Variants in LTBP1 observed in about 807,000 individuals in gnomAD.
The protein encoded by LTBP1 is latent transforming growth factor beta binding protein 1.
LTBP1 carries 129 observed loss-of-function variants against 207.6 expected under a neutral mutation model. That is an observed-to-expected ratio of 0.62 (90% confidence interval 0.54 to 0.72). The LOEUF (loss-of-function observed/expected upper bound fraction) is 0.72, where lower values mean the gene tolerates loss of function less well. LTBP1 is among the 30% of genes least tolerant of loss of function. The probability of loss-of-function intolerance (pLI) is 0.00; values close to 1 mark genes in which losing one functional copy is unlikely to be tolerated. For missense variants in LTBP1, 2,281 were observed against 2,217.2 expected (o/e 1.03, Z -0.58); for synonymous variants, 963 against 833.7 (o/e 1.16, Z -2.67).
At chr2:33,306,292 G>A (rs1011668718) in intron 22 of LTBP1, among the ~76,000 whole-genome samples, 16 of 152,092 alleles carry the variant, frequency 1.1e-4, no homozygotes, top group African/African-American at 3.4e-4. Context: ...GAACAGAGCC[G>A]GGCATGGTGG....
chr2:32,996,335 G>A (rs1282303445), intron 2 of LTBP1, among the ~76,000 whole-genome samples: 9 of 151,958 alleles, frequency 5.9e-5, no homozygotes, highest in Admixed American at 5.9e-4. Flanking sequence ...CTTTTATGAG[G>A]GCACTAACTC....
intron 2 of LTBP1, among the ~76,000 whole-genome samples, chr2:33,014,816 G>C (rs1275258523): frequency 6.6e-6 from 1 of 152,158 alleles, no homozygotes; most frequent in Admixed American, 6.5e-5. Context: ...CGCACAGATT[G>C]AGAATTAACT....
At chr2:33,308,464 C>T (rs940995054) in intron 22 of LTBP1, among the ~76,000 whole-genome samples, 3 of 151,958 alleles carry the variant, frequency 2.0e-5, no homozygotes, top group Non-Finnish European at 4.4e-5. Context: ...TTCAAAAGTC[C>T]CTCTTCTTCC....
chr2:33,078,894 C>G (rs2078242651), intron 3 of LTBP1, among the ~76,000 whole-genome samples: 1 of 105,176 alleles, frequency 9.5e-6, no homozygotes, highest in Admixed American at 1.5e-4. Context: ...GAGTCTCGCT[C>G]TGTTGCCAGG....
At chr2:33,208,931 G>A (rs536780414) in intron 7 of LTBP1, among the ~76,000 whole-genome samples, 181 of 147,358 alleles carry the variant, frequency 1.2e-3, no homozygotes, top group African/African-American at 4.4e-3. Context: ...GCAGTGGCGC[G>A]ATCTCGGCTG....
At chr2:33,029,170 C>T (rs58275633) in intron 3 of LTBP1, among the ~76,000 whole-genome samples, 1 of 152,252 alleles carries the variant, frequency 6.6e-6, no homozygotes, top group African/African-American at 2.4e-5. Flanking sequence ...TAGAATTTAT[C>T]CTGGGCACTT....
At chr2:33,344,545 T>A (rs1016755318) in intron 25 of LTBP1, among the ~76,000 whole-genome samples, 3 of 152,194 alleles carry the variant, frequency 2.0e-5, no homozygotes, top group African/African-American at 7.2e-5. Context: ...CCTGGATTTT[T>A]CTCACTCGTT....
Position 33,217,547 on chromosome 2 carries a change from T to TG in LTBP1, c.1702-4dup. 6.2e-7 allele frequency: 1 copy of TG among 1,608,620 alleles called. No individual in the cohort carries two copies. Among genetic ancestry groups the TG allele is most frequent in the Non-Finnish European group, 8.5e-7 (1 of 1,175,152 alleles). On this transcript the variant is annotated splice_region_variant and splice_polypyrimidine_tract_variant and intron_variant, in intron 7 of 33. Transcript: ENST00000404816. ...ACCTTCATATTTCACACCTAATCAT[T>TG]GCAGTGTGGCAAAGCGCTCCCTGGC...
At chr2:33,143,808 T>G (rs575086584) in intron 5 of LTBP1, among the ~76,000 whole-genome samples, 37 of 151,452 alleles carry the variant, frequency 2.4e-4, no homozygotes, top group Non-Finnish European at 3.4e-4. Context: ...TTTTCTTTCC[T>G]ATTATACCTC....
intron 4 of LTBP1, among the ~76,000 whole-genome samples, chr2:33,122,098 T>G (rs1181797674): frequency 6.6e-6 from 1 of 151,856 alleles, no homozygotes; most frequent in Admixed American, 6.6e-5. Context: ...TCCCCTTGAC[T>G]CTGGGCTTGG....
intron 26 of LTBP1, among the ~76,000 whole-genome samples, chr2:33,352,160 C>G (rs1238052864): frequency 6.6e-6 from 1 of 152,046 alleles, no homozygotes; most frequent in Non-Finnish European, 1.5e-5. Context: ...GAGATGGAGT[C>G]TTGCTCTGTC....
At chr2:33,232,901 C>G (rs1286940280) in intron 9 of LTBP1, among the ~76,000 whole-genome samples, 2 of 152,054 alleles carry the variant, frequency 1.3e-5, no homozygotes, top group Non-Finnish European at 2.9e-5. Context: ...TCTAGTGGTG[C>G]TTGACTACAT....
chr2:33,118,813 T>G (rs2080934064), intron 4 of LTBP1, among the ~76,000 whole-genome samples: 2 of 152,164 alleles, frequency 1.3e-5, no homozygotes, highest in South Asian at 4.1e-4. Flanking sequence ...CTGAGAGCTA[T>G]TTGATAACAT....
intron 5 of LTBP1, among the ~76,000 whole-genome samples, chr2:33,156,620 T>G (rs1663787370): frequency 6.6e-6 from 1 of 152,226 alleles, no homozygotes; most frequent in Admixed American, 6.5e-5. Flanking sequence ...GTATTATTAT[T>G]GTTACTGTTA....
In LTBP1 at chr2:33,347,356, C is replaced by A. The variant is rs377502218; in HGVS notation, c.3857-11C>A. On this transcript the variant is annotated splice_polypyrimidine_tract_variant and intron_variant, in intron 25 of 33. Transcript: ENST00000404816. ...GCACACATCTCACTTGGTCTGTGCT[C>A]CCTTTTCCAGATGTGAATGAATGTG... 1.1e-5 allele frequency: 18 copies of A among 1,614,052 alleles called. No individual in the cohort carries two copies. In the African/African-American group the frequency reaches 2.4e-4, roughly 22 times the overall value.
At chr2:32,952,962 T>C (rs1347152376) in intron 2 of LTBP1, among the ~76,000 whole-genome samples, 2 of 152,210 alleles carry the variant, frequency 1.3e-5, no homozygotes, top group African/African-American at 4.8e-5. Context: ...TTTTACCATG[T>C]GCCAGGTTCT....
chr2:33,055,155 G>A (rs748576275), intron 3 of LTBP1, among the ~76,000 whole-genome samples: 4 of 152,272 alleles, frequency 2.6e-5, no homozygotes, highest in South Asian at 4.1e-4. Flanking sequence ...CACCGAGGTT[G>A]CAAGGTTTAA....
At chr2:33,063,973 C>T (rs527685995) in intron 3 of LTBP1, among the ~76,000 whole-genome samples, 1 of 152,120 alleles carries the variant, frequency 6.6e-6, no homozygotes, top group East Asian at 1.9e-4. Context: ...CCTGCCTCAG[C>T]CTCCTGAGTA....
chr2:33,010,500 A>G (rs867280085), intron 2 of LTBP1, among the ~76,000 whole-genome samples: 30 of 152,170 alleles, frequency 2.0e-4, no homozygotes, highest in Admixed American at 4.6e-4. Flanking sequence ...GTATATTTCA[A>G]AATAGCTAGG....
Sources: allele counts gnomAD v4.1 joint callset (sites outside exome capture counted in the v4.1 genomes callset), GRCh38; gene constraint gnomAD v4.1.1; transcripts MANE v1.5; gene names NCBI Gene and HGNC (gene_info 2026-07-23, HGNC 2026-07-21).